NOX4: variants seen among roughly 807,000 people sequenced by gnomAD.
NOX4 encodes NADPH oxidase 4, also known as kidney oxidase-1.
NOX4 carries 69 observed loss-of-function variants against 87.6 expected under a neutral mutation model. The ratio of observed to expected loss-of-function variants is 0.79; its 90% CI spans 0.65 to 0.96. NOX4 has a LOEUF of 0.96. Ranked by LOEUF, NOX4 falls within the 40% of genes least tolerant of loss-of-function variation. The probability of loss-of-function intolerance (pLI) is 0.00; values close to 1 mark genes in which losing one functional copy is unlikely to be tolerated. For missense variants in NOX4, 680 were observed against 681.5 expected (o/e 1.00, Z 0.02); for synonymous variants, 275 against 238.2 (o/e 1.15, Z -1.42).
chr11:89,415,251 A>G (rs1942698080), intron 8 of NOX4, among the ~76,000 whole-genome samples: 1 of 152,062 alleles, frequency 6.6e-6, no homozygotes. Context: ...TATTATGAAC[A>G]GTATAATTAT....
At chr11:89,579,578 A>G in the NOX4 span, among the ~76,000 whole-genome samples, 2 of 152,198 alleles carry the variant, frequency 1.3e-5, no homozygotes, top group African/African-American at 2.4e-5. Flanking sequence ...GAGTGAATCT[A>G]CCTGTAAAAT....
chr11:89,490,081 T>C lies in NOX4; in HGVS notation c.153+377A>G, dbSNP rs533302050. 7.0e-4 allele frequency among the ~76,000 whole-genome samples: 107 copies of C among 152,286 alleles called. 1 individual carries two copies. Among genetic ancestry groups the C allele is most frequent in the African/African-American group, 2.5e-3 (105 of 41,568 alleles). On this transcript the variant is annotated intron_variant, in intron 2 of 17. Coordinates refer to ENST00000263317, the MANE Select transcript of NOX4 (RefSeq NM_016931.5). The stretch of plus-strand genomic sequence containing the variant: ...CAGTGCAGAAATCCTCTGGATAAGC[T>C]CATGAGCAGGCTAAAAGCACTGATA...
At chr11:89,460,677 T>C (rs1405971770) in intron 2 of NOX4, among the ~76,000 whole-genome samples, 2 of 152,138 alleles carry the variant, frequency 1.3e-5, no homozygotes, top group African/African-American at 4.8e-5. Context: ...GGAGAGGATG[T>C]GGAGAAACAG....
intron 2 of NOX4, among the ~76,000 whole-genome samples, chr11:89,487,054 G>T (rs595518): frequency 0.18 from 26,697 of 151,994 alleles, 2,490 homozygotes; most frequent in East Asian, 0.25. Flanking sequence ...GGGCAGCACT[G>T]GTAAAAATTA....
At chr11:89,444,299 C>T in intron 4 of NOX4, 67 bp from the exon 5 acceptor site, 1 of 1,287,092 alleles carries the variant, frequency 7.8e-7, no homozygotes, top group Non-Finnish European at 1.1e-6. Flanking sequence ...GGACTCAGTT[C>T]TTCCTCTCCC....
At chr11:89,501,681 C>T (rs1443227710), upstream of NOX4, among the ~76,000 whole-genome samples, 1 of 152,046 alleles carries the variant, frequency 6.6e-6, no homozygotes, top group Non-Finnish European at 1.5e-5. Context: ...AACACTCACT[C>T]TTGCCACCTT....
At chr11:89,390,462 T>C (rs1422524414) in intron 11 of NOX4, among the ~76,000 whole-genome samples, 2 of 152,176 alleles carry the variant, frequency 1.3e-5, no homozygotes, top group Non-Finnish European at 2.9e-5. Flanking sequence ...AAAATATCTA[T>C]GAGATAGAGT....
the NOX4 span, chr11:89,557,178 A>C: frequency 2.0e-5 from 3 of 152,122 alleles, no homozygotes; most frequent in Non-Finnish European, 4.4e-5. Context: ...TGCTGGCTAC[A>C]TTTGCTTCCT....
chr11:89,449,578 T>A (rs1170428643), intron 3 of NOX4, 54 bp from the exon 4 acceptor site: 4 of 1,393,710 alleles, frequency 2.9e-6, no homozygotes, highest in Non-Finnish European at 4.0e-6. Context: ...GTGATAAAAG[T>A]TTTTCAGTAT....
At chr11:89,484,282 G>T (rs1486578937) in intron 2 of NOX4, among the ~76,000 whole-genome samples, 2 of 152,174 alleles carry the variant, frequency 1.3e-5, no homozygotes, top group East Asian at 3.9e-4. Context: ...TTGAGCCTTA[G>T]AATTCTGAAA....
chr11:89,429,381 G>C (rs2135299696), intron 7 of NOX4, among the ~76,000 whole-genome samples: 1 of 151,840 alleles, frequency 6.6e-6, no homozygotes, highest in East Asian at 1.9e-4. Flanking sequence ...GAAGGAGACA[G>C]AGACACAAAA....
chr11:89,334,889 T>G (rs963286335), intron 17 of NOX4, among the ~76,000 whole-genome samples: 2 of 151,540 alleles, frequency 1.3e-5, no homozygotes, highest in Non-Finnish European at 3.0e-5. Flanking sequence ...TTTAATAAAA[T>G]TATATGGGTT....
chr11:89,417,666 T>C (rs1942859797), intron 8 of NOX4, among the ~76,000 whole-genome samples: 1 of 152,168 alleles, frequency 6.6e-6, no homozygotes, highest in Non-Finnish European at 1.5e-5. Flanking sequence ...AAGTGTTGTG[T>C]CTTTATCAAA....
intron 8 of NOX4, among the ~76,000 whole-genome samples, chr11:89,418,303 G>A (rs1480848606): frequency 6.6e-6 from 1 of 151,474 alleles, no homozygotes; most frequent in Admixed American, 6.6e-5. Context: ...GCATAACTTA[G>A]TGGTTAAGAA....
At chr11:89,428,174 G>T (rs1009052717) in intron 7 of NOX4, among the ~76,000 whole-genome samples, 1 of 152,178 alleles carries the variant, frequency 6.6e-6, no homozygotes, top group African/African-American at 2.4e-5. Context: ...AATGCTGAGA[G>T]ATTTTGGCAC....
chr11:89,584,786 T>C, the NOX4 span, among the ~76,000 whole-genome samples: 1 of 152,126 alleles, frequency 6.6e-6, no homozygotes, highest in Admixed American at 6.6e-5. Flanking sequence ...GATAAGATAA[T>C]GTATATACAT....
the NOX4 span, among the ~76,000 whole-genome samples, chr11:89,582,904 C>T: frequency 3.3e-5 from 5 of 152,174 alleles, no homozygotes; most frequent in African/African-American, 1.2e-4. Context: ...ATCTGCTATT[C>T]AGTTTCTATA....
Position 89,326,742 on chromosome 11 carries a change from C to T in NOX4, c.*14G>A. The stretch of plus-strand genomic sequence containing the variant: ...TCATTCCTTCTTTAGAGTCCTGCTT[C>T]ATGGCAAAAGTTTTCAGCTGAAAGA... On this transcript the variant is annotated 3_prime_UTR_variant, in exon 18 of 18. Coordinates refer to ENST00000263317, the MANE Select transcript of NOX4 (RefSeq NM_016931.5). The T allele has an allele frequency of 6.2e-7, 1 of 1,611,360 alleles. No homozygotes were observed. Among genetic ancestry groups the T allele is most frequent in the Non-Finnish European group, 8.5e-7 (1 of 1,178,540 alleles).
the NOX4 span, among the ~76,000 whole-genome samples, chr11:89,529,961 C>A: frequency 6.6e-6 from 1 of 151,988 alleles, no homozygotes; most frequent in Non-Finnish European, 1.5e-5. Flanking sequence ...TTAGAAGAAA[C>A]AAAAACACAA....
Sources: allele counts gnomAD v4.1 joint callset (sites outside exome capture counted in the v4.1 genomes callset), GRCh38; gene constraint gnomAD v4.1.1; transcripts MANE v1.5; gene names NCBI Gene and HGNC (gene_info 2026-07-23, HGNC 2026-07-21).